PTPRD: variants seen among roughly 807,000 people sequenced by gnomAD.
PTPRD encodes receptor-type tyrosine-protein phosphatase delta.
In PTPRD, 34 loss-of-function variants were observed where a neutral mutation model predicts 214.5. The ratio of observed to expected loss-of-function variants is 0.16; its 90% CI spans 0.12 to 0.21. The LOEUF (loss-of-function observed/expected upper bound fraction) is 0.21. Among genes scored for constraint, PTPRD ranks in the 10% least tolerant of loss-of-function variants. The probability of loss-of-function intolerance (pLI) is 1.00; values close to 1 mark genes in which losing one functional copy is unlikely to be tolerated. For missense variants in PTPRD, 2,545 were observed against 2,398.7 expected, an observed-to-expected ratio of 1.06 and a Z score of -1.27; for synonymous variants, 1,128 against 845.7, an observed-to-expected ratio of 1.33 and a Z score of -5.79.
At chr9:9,733,217 T>A (rs1029450985) in intron 7 of PTPRD, among the ~76,000 whole-genome samples, 8 of 152,110 alleles carry the variant, frequency 5.3e-5, no homozygotes, top group Non-Finnish European at 8.8e-5. Context: ...ATATAAGGAA[T>A]AAGACAGAGA....
intron 9 of PTPRD, among the ~76,000 whole-genome samples, chr9:9,352,772 G>C (rs1239805188): frequency 6.6e-6 from 1 of 151,916 alleles, no homozygotes; most frequent in African/African-American, 2.4e-5. Flanking sequence ...TCTCAGAGTT[G>C]TAATAATTTT....
intron 4 of PTPRD, among the ~76,000 whole-genome samples, chr9:10,015,839 T>C (rs1323425445): frequency 3.3e-5 from 5 of 152,166 alleles, no homozygotes; most frequent in Non-Finnish European, 5.9e-5. Flanking sequence ...TAATGTAAGA[T>C]ACTACAAGGT....
intron 11 of PTPRD, among the ~76,000 whole-genome samples, chr9:9,009,303 T>G (rs10816032): frequency 0.095 from 14,502 of 152,046 alleles, 848 homozygotes; most frequent in Non-Finnish European, 0.13. Context: ...TTCTAAGTCA[T>G]AGAAAGGCTA....
At chr9:8,461,903 G>C (rs974752128) in intron 32 of PTPRD, among the ~76,000 whole-genome samples, 2 of 151,736 alleles carry the variant, frequency 1.3e-5, no homozygotes, top group African/African-American at 4.8e-5. Flanking sequence ...TCCAGCCTTG[G>C]CCTCCCAAAG....
At chr9:9,146,408 C>G (rs2099868677) in intron 10 of PTPRD, among the ~76,000 whole-genome samples, 1 of 152,092 alleles carries the variant, frequency 6.6e-6, no homozygotes, top group Non-Finnish European at 1.5e-5. Context: ...TAGACTTCTT[C>G]AATTAGGGTC....
At chr9:10,382,293 T>A (rs2097841398) in intron 2 of PTPRD, among the ~76,000 whole-genome samples, 1 of 151,968 alleles carries the variant, frequency 6.6e-6, no homozygotes, top group Non-Finnish European at 1.5e-5. Context: ...TTCTTCTTCT[T>A]ATGAGTTGAC....
intron 11 of PTPRD, among the ~76,000 whole-genome samples, chr9:8,929,785 G>GTATATATGTGTGTA (rs2098934721): frequency 1.3e-5 from 1 of 77,296 alleles, no homozygotes; most frequent in East Asian, 3.8e-4. Flanking sequence ...ATATGGGTGT[G>GTATATATGTGTGTA]TATATATGTG....
At chr9:10,164,908 A>G (rs2099150041) in intron 3 of PTPRD, among the ~76,000 whole-genome samples, 1 of 150,366 alleles carries the variant, frequency 6.7e-6, no homozygotes, top group African/African-American at 2.4e-5. Flanking sequence ...AAAAAAAAAG[A>G]CAATAGCATA....
At chr9:9,426,375 T>G (rs2080929455) in intron 8 of PTPRD, among the ~76,000 whole-genome samples, 1 of 152,172 alleles carries the variant, frequency 6.6e-6, no homozygotes, top group Non-Finnish European at 1.5e-5. Context: ...CGCCCACCAT[T>G]GCTGAGGCTT....
At position 8,370,606 on chromosome 9, in the gene PTPRD, G is replaced by A. The variant is rs535626047; in HGVS notation, c.4661+5330C>T. 7.9e-5 allele frequency among the ~76,000 whole-genome samples: 12 copies of A among 152,164 alleles called. No individual in the cohort carries two copies. In the South Asian group the frequency reaches 2.5e-3, roughly 32 times the overall value. On this transcript the variant is annotated intron_variant, in intron 39 of 45. Coordinates refer to ENST00000381196, the MANE Select transcript of PTPRD (RefSeq NM_002839.4). ...GGAAAAGACTCACATGCTAGCAATT[G>A]CCTTTGATTTAGAAAGAGTGAAAGA... is the stretch of plus-strand genomic sequence containing the variant.
At chr9:9,571,304 GTCTC>G (rs905077902) in intron 8 of PTPRD, among the ~76,000 whole-genome samples, 2 of 150,974 alleles carry the variant, frequency 1.3e-5, no homozygotes, top group Admixed American at 6.6e-5. Context: ...AGATATGTAT[GTCTC>G]TCTCTCTCTT....
At chr9:10,207,083 G>A (rs948549038) in intron 3 of PTPRD, among the ~76,000 whole-genome samples, 4 of 152,070 alleles carry the variant, frequency 2.6e-5, no homozygotes, top group African/African-American at 9.7e-5. Flanking sequence ...ATCTCTATAT[G>A]TGTATAATTA....
intron 7 of PTPRD, among the ~76,000 whole-genome samples, chr9:9,687,843 G>T (rs1406198586): frequency 1.3e-5 from 2 of 151,626 alleles, no homozygotes; most frequent in Non-Finnish European, 2.9e-5. Context: ...ATTATTATGG[G>T]TGTGTGTGAT....
At chr9:10,444,316 T>C (rs975690935) in intron 2 of PTPRD, among the ~76,000 whole-genome samples, 10 of 151,842 alleles carry the variant, frequency 6.6e-5, no homozygotes, top group African/African-American at 2.4e-4. Context: ...ATAAAAGATA[T>C]TTAATGACTC....
chr9:8,598,036 C>A (rs34455709), intron 14 of PTPRD, among the ~76,000 whole-genome samples: 13,745 of 152,002 alleles, frequency 0.09, 799 homozygotes, highest in East Asian at 0.18. Context: ...CTTTTTATCC[C>A]CTTACTAGTT....
At chr9:8,393,562 G>A (rs1289307727) in intron 36 of PTPRD, among the ~76,000 whole-genome samples, 1 of 152,094 alleles carries the variant, frequency 6.6e-6, no homozygotes, top group Non-Finnish European at 1.5e-5. Context: ...CTCTCTTGGA[G>A]TCAGTTGGTC....
At chr9:10,044,755 T>C (rs760667178) in intron 3 of PTPRD, among the ~76,000 whole-genome samples, 1 of 151,732 alleles carries the variant, frequency 6.6e-6, no homozygotes, top group Non-Finnish European at 1.5e-5. Context: ...ATTAAAATTG[T>C]TATTATTATA....
intron 12 of PTPRD, among the ~76,000 whole-genome samples, chr9:8,664,335 G>C (rs1399423741): frequency 6.6e-6 from 1 of 152,124 alleles, no homozygotes; most frequent in Non-Finnish European, 1.5e-5. Flanking sequence ...TGACCATCAA[G>C]GTTCAAAATT....
intron 7 of PTPRD, among the ~76,000 whole-genome samples, chr9:9,723,861 G>C (rs756118714): frequency 3.3e-5 from 5 of 152,004 alleles, no homozygotes; most frequent in Middle Eastern, 3.2e-3. Flanking sequence ...TATTAATCTT[G>C]TATCCTGAAA....
Sources: gnomAD v4.1 joint callset for allele counts (sites outside exome capture counted in the v4.1 genomes callset) on GRCh38, gnomAD v4.1.1 for gene constraint, MANE v1.5 for transcripts, NCBI Gene and HGNC (gene_info 2026-07-23, HGNC 2026-07-21) for gene names.